MARCHF8: variants seen among roughly 807,000 people sequenced by gnomAD.
The protein encoded by MARCHF8 is E3 ubiquitin-protein ligase MARCHF8.
In MARCHF8, 40 loss-of-function variants were observed where a neutral mutation model predicts 51.6. The ratio of observed to expected loss-of-function variants is 0.77; its 90% confidence interval spans 0.60 to 1.01. The LOEUF (loss-of-function observed/expected upper bound fraction) is 1.01, where lower values mean the gene tolerates loss of function less well. Among genes scored for constraint, MARCHF8 ranks in the 50% least tolerant of loss-of-function variants. The probability of loss-of-function intolerance (pLI) is 0.00; values close to 1 mark genes in which losing one functional copy is unlikely to be tolerated. For synonymous variants in MARCHF8, 263 were observed against 280.3 expected, an observed-to-expected ratio of 0.94 and a Z score of 0.62; for missense variants, 685 against 708.6, an observed-to-expected ratio of 0.97 and a Z score of 0.38.
upstream of MARCHF8, chr10:45,535,426 A>G (rs2043958272): frequency 6.6e-6 from 1 of 152,262 alleles, no homozygotes; most frequent in Admixed American, 6.5e-5. Context: ...CATCATTGGT[A>G]CATGCCCATG....
chr10:45,488,713 C>T (rs2043029185), intron 3 of MARCHF8, among the ~76,000 whole-genome samples: 1 of 152,224 alleles, frequency 6.6e-6, no homozygotes, highest in Non-Finnish European at 1.5e-5. Flanking sequence ...CTACTCTAGA[C>T]TGAGCAGCTG....
At chr10:45,536,835 AAATAATAATAATAATAATAAT>A (rs60341718), upstream of MARCHF8, among the ~76,000 whole-genome samples, 2 of 134,838 alleles carry the variant, frequency 1.5e-5, no homozygotes, top group South Asian at 2.4e-4. Flanking sequence ...ATCTCTACCA[AAATAATAATAATAATAATAAT>A]AATAATAATA....
chr10:45,494,349 G>A (rs1045759477), intron 2 of MARCHF8, among the ~76,000 whole-genome samples: 4 of 152,144 alleles, frequency 2.6e-5, no homozygotes, highest in East Asian at 3.9e-4. Flanking sequence ...ATGCCTAAGC[G>A]AGTTTTTGGG....
intron 3 of MARCHF8, among the ~76,000 whole-genome samples, chr10:45,480,530 G>A (rs1373972660): frequency 6.6e-6 from 1 of 152,162 alleles, no homozygotes; most frequent in East Asian, 1.9e-4. Context: ...GCTGTGTGCA[G>A]CCTAGAGACT....
intron 1 of MARCHF8, among the ~76,000 whole-genome samples, chr10:45,573,472 C>CCAGGAACTTGCTT (rs2044454607): frequency 6.6e-6 from 1 of 152,224 alleles, no homozygotes; most frequent in African/African-American, 2.4e-5. Context: ...ACCTCCTCCC[C>CCAGGAACTTGCTT]CAGGAACTTG....
chr10:45,502,844 G>C (rs947101626), intron 2 of MARCHF8, among the ~76,000 whole-genome samples: 7 of 152,140 alleles, frequency 4.6e-5, no homozygotes, highest in Non-Finnish European at 8.8e-5. Flanking sequence ...CAGCAATAAA[G>C]AAAGAGCAAC....
Position 45,461,272 on chromosome 10 carries a change from A to C in MARCHF8, c.1228T>G (p.Tyr410Asp). 1 of 1,590,244 alleles carries C rather than the reference A, an allele frequency of 6.3e-7. No homozygotes were observed. The highest frequency in any genetic ancestry group is 8.6e-7 in the Non-Finnish European group (1 of 1,169,334). ...SDTRCCELCKYEFIMETKLKP... is the reference protein window; with the variant it reads ...SDTRCCELCKDEFIMETKLKP... ...AGCTTGGTCTCCATGATGAACTCATACTTGCAGAGCTCGCAGCAGCGCGTG... is the reference window on the plus strand; with the variant it reads ...AGCTTGGTCTCCATGATGAACTCATCCTTGCAGAGCTCGCAGCAGCGCGTG... Residue 410 changes from tyrosine to aspartate, a missense_variant, in exon 6 of 8, where the codon TAT becomes GAT. By Grantham distance (160) the Tyr-to-Asp change is radical (BLOSUM62 -3). Transcript: ENST00000453424.
intron 3 of MARCHF8, among the ~76,000 whole-genome samples, chr10:45,489,144 T>C (rs2043036803): frequency 6.6e-6 from 1 of 151,986 alleles, no homozygotes; most frequent in African/African-American, 2.4e-5. Context: ...CTGGAAAAAA[T>C]GGAATTTTCT....
intron 2 of MARCHF8, among the ~76,000 whole-genome samples, chr10:45,518,481 C>T (rs530445655): frequency 6.6e-6 from 1 of 152,262 alleles, no homozygotes; most frequent in Admixed American, 6.5e-5. Context: ...TGCAGTTCAC[C>T]CATTCATGGA....
chr10:45,513,087 C>T (rs942108335), intron 2 of MARCHF8, among the ~76,000 whole-genome samples: 3 of 151,330 alleles, frequency 2.0e-5, no homozygotes, highest in Admixed American at 6.6e-5. Flanking sequence ...ACAAACACTG[C>T]GGAAGGCTGC....
chr10:45,525,617 G>T (rs1383502267), intron 2 of MARCHF8, among the ~76,000 whole-genome samples: 6 of 152,258 alleles, frequency 3.9e-5, no homozygotes, highest in African/African-American at 1.4e-4. Flanking sequence ...AAGTACAAAA[G>T]GGGAGAAAAA....
upstream of MARCHF8, among the ~76,000 whole-genome samples, chr10:45,536,878 A>AATAATAATC (rs1259052807): frequency 2.7e-5 from 4 of 147,304 alleles, no homozygotes. Flanking sequence ...TAATAATAAT[A>AATAATAATC]ATAAAGACAA....
chr10:45,503,365 G>A (rs2043316633), intron 2 of MARCHF8, among the ~76,000 whole-genome samples: 2 of 151,792 alleles, frequency 1.3e-5, no homozygotes, highest in East Asian at 1.9e-4. Flanking sequence ...GTAAAACCCC[G>A]TCTCTACTAA....
chr10:45,491,454 G>A (rs114681744), intron 2 of MARCHF8, among the ~76,000 whole-genome samples: 3 of 152,038 alleles, frequency 2.0e-5, no homozygotes, highest in Non-Finnish European at 4.4e-5. Flanking sequence ...AAGGAGAATC[G>A]CTTGAAACTG....
chr10:45,519,604 G>GA (rs2043674248), intron 2 of MARCHF8, among the ~76,000 whole-genome samples: 1 of 152,200 alleles, frequency 6.6e-6, no homozygotes, highest in African/African-American at 2.4e-5. Context: ...CTATATTTAT[G>GA]AAAACTGAAA....
chr10:45,540,075 C>T (rs536753470), upstream of MARCHF8, among the ~76,000 whole-genome samples: 1 of 152,320 alleles, frequency 6.6e-6, no homozygotes, highest in East Asian at 1.9e-4. Flanking sequence ...AAGAACATTC[C>T]ATGCTCATGG....
Position 45,463,336 on chromosome 10 carries a change from G to C in MARCHF8, c.903C>G (p.Gly301=), listed in dbSNP as rs774244478. 1 of 1,550,922 alleles carries C rather than the reference G, an allele frequency of 6.4e-7. No individual in the cohort carries two copies. Residue 301 remains glycine, a synonymous_variant, in exon 5 of 8, where the codon GGC becomes GGG. Coordinates refer to ENST00000453424, the MANE Select transcript of MARCHF8 (RefSeq NM_001282866.2). ...CGTCTCCCATCTCGTCAGAGCAGAA[G>C]CCCATACTCCCTGCCAGCCCGCTGG... is the stretch of plus-strand genomic sequence containing the variant. ...KSSSGLAGSM[G]FCSDEMGDDD...
intron 2 of MARCHF8, among the ~76,000 whole-genome samples, chr10:45,492,145 A>G (rs1312601131): frequency 6.6e-6 from 1 of 152,200 alleles, no homozygotes; most frequent in Non-Finnish European, 1.5e-5. Context: ...AAGCCCTAGA[A>G]AACACAGGGG....
intron 1 of MARCHF8, among the ~76,000 whole-genome samples, chr10:45,578,971 A>G (rs542906313): frequency 6.6e-6 from 1 of 152,322 alleles, no homozygotes; most frequent in South Asian, 2.1e-4. Context: ...GCGATTCAGG[A>G]CTGGATACTG....
Sources: gnomAD v4.1 joint callset for allele counts (sites outside exome capture counted in the v4.1 genomes callset) on GRCh38, gnomAD v4.1.1 for gene constraint, MANE v1.5 for transcripts, NCBI Gene and HGNC (gene_info 2026-07-23, HGNC 2026-07-21) for gene names.